Variants in CDC42EP1 observed in about 807,000 individuals in gnomAD.
CDC42EP1 encodes the protein CDC42 effector protein 1.
Under a neutral mutation model 7.4 loss-of-function variants are expected in CDC42EP1, and 6 were observed. That is an observed-to-expected ratio of 0.81 (90% CI 0.44 to 1.60). The LOEUF is 1.60. CDC42EP1 is among the 40% of genes most tolerant of loss of function. The pLI, the probability that CDC42EP1 is intolerant of heterozygous loss-of-function variation, is 0.01. For synonymous variants in CDC42EP1, 238 were observed against 227.1 expected (o/e 1.05, Z -0.43); for missense variants, 567 against 539.0 (o/e 1.05, Z -0.51).
chr22:37,569,212 G>GC lies in CDC42EP1; in HGVS notation c.*397dup, dbSNP rs1925397031. On this transcript the variant is annotated 3_prime_UTR_variant, in exon 3 of 3. Transcript: ENST00000249014. ...GTCTCACCTCCCAAAGGGACCGCCTGCCCCCAGCTCATCCCAGAGCGTCCC... is the reference window on the plus strand; with the variant it reads ...GTCTCACCTCCCAAAGGGACCGCCTGCCCCCCAGCTCATCCCAGAGCGTCCC... 6.1e-6 allele frequency: 1 copy of GC among 162,968 alleles called. No individual in the cohort carries two copies. Among genetic ancestry groups the GC allele is most frequent in the Admixed American group, 6.4e-5 (1 of 15,540 alleles). The allele number at this position is 162,968 out of a possible 1,614,324, so 10.1% of individuals were successfully genotyped here. A position where few individuals can be genotyped will look rare whatever the true frequency, so the allele number is the denominator to read the frequency against.
intron 1 of CDC42EP1, 32 bp downstream of exon 1, chr22:37,560,620 G>T (rs914355315): frequency 1.3e-5 from 2 of 150,712 alleles, no homozygotes; most frequent in African/African-American, 4.9e-5. Context: ...TCCTCGGGGC[G>T]GAGGCCGTGG....
intron 1 of CDC42EP1, among the ~76,000 whole-genome samples, chr22:37,561,424 C>T (rs1925037116): frequency 2.0e-5 from 3 of 152,196 alleles, no homozygotes; most frequent in Admixed American, 6.5e-5. Context: ...TAACTCGGGG[C>T]GGTGGGCACG....
rs1601455804 is a variant in CDC42EP1 at position 37,568,128 on chromosome 22, A to C, written c.484A>C (p.Thr162Pro). 2 of 1,613,256 alleles carry C rather than the reference A, an allele frequency of 1.2e-6. No homozygotes were observed. The highest frequency in any genetic ancestry group is 1.7e-6 in the Non-Finnish European group (2 of 1,179,638). ...TCTAGGCCTGGACTCTGGGTTCTGC[A>C]CCATCTCCCGCCTGCCCCGCTCGGA... The part of the protein sequence containing the change: ...SSYGLDSGFC[T>P]ISRLPRSEKP... The change falls in exon 3 of 3, where the codon ACC becomes CCC. Residue 162 changes from threonine to proline, a missense_variant. Transcript: ENST00000249014.
At chr22:37,563,061 A>G (rs1024202354) in intron 1 of CDC42EP1, among the ~76,000 whole-genome samples, 4 of 151,870 alleles carry the variant, frequency 2.6e-5, no homozygotes, top group African/African-American at 9.7e-5. Flanking sequence ...GTTAGCTGTG[A>G]TGGAGCCACT....
chr22:37,569,074 C>G lies in CDC42EP1; in HGVS notation c.*254C>G. 2.9e-6 allele frequency: 1 copy of G among 343,534 alleles called. No individual in the cohort carries two copies. Among genetic ancestry groups the G allele is most frequent in the Non-Finnish European group, 5.2e-6 (1 of 190,858 alleles). The allele number at this position is 343,534 out of a possible 1,614,324, so 21.3% of individuals were successfully genotyped here. ...GACCTAATAGCTGTTCCTTAGGCCCCACTCCATGCCACCCCCACCAGCTGG... is the reference window on the plus strand; with the variant it reads ...GACCTAATAGCTGTTCCTTAGGCCCGACTCCATGCCACCCCCACCAGCTGG... On this transcript the variant is annotated 3_prime_UTR_variant, in exon 3 of 3. Coordinates refer to ENST00000249014, the MANE Select transcript of CDC42EP1 (RefSeq NM_152243.3).
Position 37,566,886 on chromosome 22 carries a change from C to A in CDC42EP1, c.463+74C>A. On this transcript the variant is annotated intron_variant, in intron 2 of 2. Transcript: ENST00000249014. This position sits in a 1 kb window ranked among gnomAD's most constrained non-coding sequence, Gnocchi z 6.4. ...GCCCAGAGGGGTTCAGTGGCTCCTC[C>A]AAGCTCCAAGTGAGCTCCAAGTGAC... 3 of 1,139,768 alleles carry A rather than the reference C, an allele frequency of 2.6e-6. No homozygotes were observed. The highest frequency in any genetic ancestry group is 1.6e-5 in the South Asian group (1 of 64,298). 70.6% of individuals were successfully genotyped at this position (1,139,768 alleles called of 1,614,324 possible).
chr22:37,568,250 TG>T lies in CDC42EP1; in HGVS notation c.609del (p.Ser205HisfsTer7). 1.9e-6 allele frequency: 3 copies of T among 1,613,678 alleles called. No individual in the cohort carries two copies. The highest frequency in any genetic ancestry group is 2.5e-6 in the Non-Finnish European group (3 of 1,179,982). On this transcript the variant is annotated frameshift_variant, in exon 3 of 3. Transcript: ENST00000249014. LOFTEE classifies it low-confidence loss of function (END_TRUNC). Reference sequence around the variant, plus strand: ...TGTCCTTCCGCCTGGACCTCGACCTTGGGCCCTCACTCCTCAGCGAGCTGCT... The same window carrying T: ...TGTCCTTCCGCCTGGACCTCGACCTTGGCCCTCACTCCTCAGCGAGCTGCT... ...LLSFRLDLDL[G>X]PSLLSELLGV...
intron 1 of CDC42EP1, among the ~76,000 whole-genome samples, chr22:37,565,252 A>G (rs933747876): frequency 6.9e-6 from 1 of 145,340 alleles, no homozygotes; most frequent in Non-Finnish European, 1.5e-5. Context: ...CAGTGACACA[A>G]TCATGGCTCA....
chr22:37,568,833 C>G lies in CDC42EP1; in HGVS notation c.*13C>G. 6.9e-7 allele frequency: 1 copy of G among 1,445,876 alleles called. No homozygotes were observed. Among genetic ancestry groups the G allele is most frequent in the Non-Finnish European group, 9.1e-7 (1 of 1,093,650 alleles). The allele number at this position is 1,445,876 out of a possible 1,614,324, so 89.6% of individuals were successfully genotyped here. On this transcript the variant is annotated 3_prime_UTR_variant, in exon 3 of 3. Transcript: ENST00000249014. ...GGTCAAGGTGTGAGGGGCTGGGGCA[C>G]GGTCCCAGGGCCCCACCTAGGTGCA... is the stretch of plus-strand genomic sequence containing the variant.
intron 2 of CDC42EP1, 34 bp from the exon 3 acceptor site, chr22:37,568,074 C>T: frequency 1.9e-6 from 3 of 1,565,320 alleles, no homozygotes; most frequent in Non-Finnish European, 2.6e-6. Flanking sequence ...GTGAGGGACC[C>T]CAGCTCTGAG....
At chr22:37,561,888 C>T (rs538007542) in intron 1 of CDC42EP1, among the ~76,000 whole-genome samples, 8 of 152,348 alleles carry the variant, frequency 5.3e-5, no homozygotes, top group Middle Eastern at 3.4e-3. Context: ...ACCACATGTG[C>T]CTCCACAGCG....
rs1448383112 is a variant in CDC42EP1 at position 37,568,997 on chromosome 22, T to A, written c.*177T>A. On this transcript the variant is annotated 3_prime_UTR_variant, in exon 3 of 3. Coordinates refer to ENST00000249014, the MANE Select transcript of CDC42EP1 (RefSeq NM_152243.3). ...AAGGCCAGGCTTGCTCTGGGACTTTTATGCTCCCAGAGGCCCTGCCAAACT... is the reference window on the plus strand; with the variant it reads ...AAGGCCAGGCTTGCTCTGGGACTTTAATGCTCCCAGAGGCCCTGCCAAACT... The A allele has an allele frequency of 1.4e-5, 6 of 434,708 alleles. No individual in the cohort carries two copies. The highest frequency in any genetic ancestry group is 2.4e-5 in the Non-Finnish European group (6 of 251,970). The allele number at this position is 434,708 out of a possible 1,614,324, so 26.9% of individuals were successfully genotyped here.
intron 1 of CDC42EP1, among the ~76,000 whole-genome samples, chr22:37,565,094 T>C (rs1925181379): frequency 6.6e-6 from 1 of 151,866 alleles, no homozygotes; most frequent in Non-Finnish European, 1.5e-5. Context: ...GAGTATTGTA[T>C]GGGTTTAAAC....
In CDC42EP1 at chr22:37,566,868, G is replaced by T; in HGVS notation, c.463+56G>T. 7.5e-7 allele frequency: 1 copy of T among 1,327,412 alleles called. No individual in the cohort carries two copies. Among genetic ancestry groups the T allele is most frequent in the Non-Finnish European group, 1.0e-6 (1 of 969,594 alleles). The allele number at this position is 1,327,412 out of a possible 1,614,324, so 82.2% of individuals were successfully genotyped here. ...TCAGAGGCTGAGGCTGAGGCCCAGA[G>T]GGGTTCAGTGGCTCCTCCAAGCTCC... On this transcript the variant is annotated intron_variant, in intron 2 of 2. Coordinates refer to ENST00000249014, the MANE Select transcript of CDC42EP1 (RefSeq NM_152243.3). The surrounding 1 kb of genome is among the most constrained non-coding windows in gnomAD (Gnocchi z 6.4).
In CDC42EP1 at chr22:37,566,013, C is replaced by T. The variant is rs973928542; in HGVS notation, c.-278-59C>T. 4.0e-6 allele frequency: 1 copy of T among 249,940 alleles called. No individual in the cohort carries two copies. Among genetic ancestry groups the T allele is most frequent in the Non-Finnish European group, 7.6e-6 (1 of 131,498 alleles). 15.5% of individuals were successfully genotyped at this position (249,940 alleles called of 1,614,324 possible). A position where few individuals can be genotyped will look rare whatever the true frequency, so the allele number is the denominator to read the frequency against. On this transcript the variant is annotated intron_variant, in intron 1 of 2. Transcript: ENST00000249014. The surrounding 1 kb of genome is among the most constrained non-coding windows in gnomAD (Gnocchi z 6.4). The stretch of plus-strand genomic sequence containing the variant: ...CCTCTTCAGCTGCTAATGTTTGGAC[C>T]CCGGATTTCCTCCTCTGTCGCGGGC...
chr22:37,568,862 C>A lies in CDC42EP1; in HGVS notation c.*42C>A. 1 of 1,353,134 alleles carries A rather than the reference C, an allele frequency of 7.4e-7. No individual in the cohort carries two copies. Among genetic ancestry groups the A allele is most frequent in the Non-Finnish European group, 9.8e-7 (1 of 1,024,958 alleles). 83.8% of individuals were successfully genotyped at this position (1,353,134 alleles called of 1,614,324 possible). On this transcript the variant is annotated 3_prime_UTR_variant, in exon 3 of 3. Coordinates refer to ENST00000249014, the MANE Select transcript of CDC42EP1 (RefSeq NM_152243.3). ...CCCAGGGCCCCACCTAGGTGCAGAGCCGGCCCCTCACCTAACAGCTGGTTC... is the reference window on the plus strand; with the variant it reads ...CCCAGGGCCCCACCTAGGTGCAGAGACGGCCCCTCACCTAACAGCTGGTTC...
intron 1 of CDC42EP1, among the ~76,000 whole-genome samples, chr22:37,561,336 G>C (rs959753649): frequency 1.3e-5 from 2 of 152,252 alleles, no homozygotes; most frequent in African/African-American, 4.8e-5. Context: ...AGGCCGCAGC[G>C]GCACTAAACG....
chr22:37,562,762 G>A (rs1277640451), intron 1 of CDC42EP1, among the ~76,000 whole-genome samples: 1 of 138,424 alleles, frequency 7.2e-6, no homozygotes, highest in Non-Finnish European at 1.6e-5. Flanking sequence ...AAGTGACCAT[G>A]GGGGTTCAGG....
In CDC42EP1 at chr22:37,566,683, A is replaced by T. The variant is rs762710520; in HGVS notation, c.334A>T (p.Ile112Phe). The T allele has an allele frequency of 2.9e-5, 47 of 1,609,950 alleles. No homozygotes were observed. The highest frequency in any genetic ancestry group is 5.0e-5 in the Admixed American group (3 of 59,640). The change falls in exon 2 of 3, where the codon ATC becomes TTC. Residue 112 changes from isoleucine (I) to phenylalanine (F), a missense_variant. Transcript: ENST00000249014. This position sits in a 1 kb window ranked among gnomAD's most constrained non-coding sequence, Gnocchi z 6.4. ...PPAPSPAPPA[I>F]SPIIKNAISL... ...TGCACCCTCCCCGGCTCCACCGGCC[A>T]TCTCCCCCATCATCAAGAACGCCAT... is the stretch of plus-strand genomic sequence containing the variant.
Sources: gnomAD v4.1 joint callset for allele counts (sites outside exome capture counted in the v4.1 genomes callset) on GRCh38, gnomAD v4.1.1 for gene constraint, Gnocchi (gnomAD v3.1) non-coding constraint, MANE v1.5 for transcripts, NCBI Gene and HGNC (gene_info 2026-07-23, HGNC 2026-07-21) for gene names.